USH2A: variants seen among roughly 807,000 people sequenced by gnomAD.
USH2A encodes the protein Usher syndrome 2A (autosomal recessive, mild).
A neutral mutation model predicts 538.9 loss-of-function variants in USH2A; 443 were observed. The ratio of observed to expected loss-of-function variants is 0.82; its 90% CI spans 0.76 to 0.89. The LOEUF is 0.89. Ranked by LOEUF, USH2A falls within the 40% of genes least tolerant of loss-of-function variation. The pLI, the probability that USH2A is intolerant of heterozygous loss-of-function variation, is 0.00. For missense variants in USH2A, 6,633 were observed against 6,324.8 expected (o/e 1.05, Z -1.65); for synonymous variants, 2,413 against 2,273.5 (o/e 1.06, Z -1.75).
At chr1:216,378,792 A>G (rs1446707269) in intron 3 of USH2A, among the ~76,000 whole-genome samples, 1 of 152,160 alleles carries the variant, frequency 6.6e-6, no homozygotes, top group East Asian at 1.9e-4. Flanking sequence ...TACTAATAGA[A>G]CAAAGCCCAT....
intron 9 of USH2A, among the ~76,000 whole-genome samples, chr1:216,313,204 C>T (rs950042531): frequency 2.6e-5 from 4 of 152,144 alleles, no homozygotes; most frequent in African/African-American, 9.7e-5. Flanking sequence ...CACTGCTGAT[C>T]TGACAGGAGG....
intron 21 of USH2A, among the ~76,000 whole-genome samples, chr1:216,148,948 C>G (rs2033771639): frequency 6.6e-6 from 1 of 152,116 alleles, no homozygotes; most frequent in Non-Finnish European, 1.5e-5. Context: ...TCAATCAAGC[C>G]CAAATTTCTT....
chr1:216,230,919 GAC>G (rs1274576218), intron 14 of USH2A, among the ~76,000 whole-genome samples: 2 of 147,196 alleles, frequency 1.4e-5, no homozygotes, highest in African/African-American at 5.1e-5. Context: ...CACACACACA[GAC>G]ACAGAATTGG....
intron 11 of USH2A, among the ~76,000 whole-genome samples, chr1:216,253,161 T>C (rs1468435592): frequency 6.6e-6 from 1 of 151,822 alleles, no homozygotes; most frequent in Non-Finnish European, 1.5e-5. Flanking sequence ...CTTTTTTTTT[T>C]TTTTGAGATG....
At chr1:215,723,261 C>A (rs1425587756) in intron 61 of USH2A, among the ~76,000 whole-genome samples, 1 of 152,176 alleles carries the variant, frequency 6.6e-6, no homozygotes, top group Non-Finnish European at 1.5e-5. Context: ...AAAACCCACA[C>A]TCTTTCCATT....
chr1:215,664,773 C>G (rs1334050084), intron 64 of USH2A, among the ~76,000 whole-genome samples: 1 of 152,096 alleles, frequency 6.6e-6, no homozygotes, highest in Non-Finnish European at 1.5e-5. Context: ...TGTTCTTCTA[C>G]CTGGTATATG....
chr1:215,921,661 A>C (rs2102488911), intron 38 of USH2A, among the ~76,000 whole-genome samples: 1 of 152,232 alleles, frequency 6.6e-6, no homozygotes, highest in East Asian at 1.9e-4. Context: ...CAGTAGAACA[A>C]TAGAGTATAG....
rs1665117889 is a variant in USH2A at position 215,888,351 on chromosome 1, G to T, written c.8223+75C>A. 4 of 1,600,052 alleles carry T rather than the reference G, an allele frequency of 2.5e-6. No individual in the cohort carries two copies. The Admixed American group carries it at 6.7e-5, about 27-fold the overall frequency. On this transcript the variant is annotated intron_variant, in intron 41 of 71. Coordinates refer to ENST00000307340, the MANE Select transcript of USH2A (RefSeq NM_206933.4). ...AAATGCGTTTGTTTAGTCAGTAGAT[G>T]GCTCTGTTCAACACAGAGTCAATCC...
At chr1:215,692,753 G>A (rs935604947) in intron 61 of USH2A, among the ~76,000 whole-genome samples, 21 of 152,026 alleles carry the variant, frequency 1.4e-4, no homozygotes, top group African/African-American at 5.1e-4. Context: ...ATTTTTGAAG[G>A]TTTTAACTAA....
intron 15 of USH2A, among the ~76,000 whole-genome samples, chr1:216,215,880 G>A (rs1315181150): frequency 1.3e-5 from 2 of 152,020 alleles, no homozygotes; most frequent in African/African-American, 4.8e-5. Context: ...CCACTACTAA[G>A]AGTTGTAGGC....
rs1360642172 is a variant in USH2A, at chr1:215,674,354, C to T, written c.13557G>A (p.Leu4519=). 1 of 1,613,754 alleles carries T rather than the reference C, an allele frequency of 6.2e-7. No homozygotes were observed. The highest frequency in any genetic ancestry group is 2.2e-5 in the East Asian group (1 of 44,862). The change falls in exon 63 of 72, where the codon TTG becomes TTA. Residue 4519 remains leucine, a synonymous_variant. Transcript: ENST00000307340. Reference sequence around the variant, plus strand: ...TGGTTCGATCTTTGACAAGAGGACTCAAAATACCCCCTTGGCTGTTGCTGG... The same window carrying T: ...TGGTTCGATCTTTGACAAGAGGACTTAAAATACCCCCTTGGCTGTTGCTGG... ...VTASNSQGGI[L]SPLVKDRTSP...
chr1:215,968,291 A>T (rs1667405222), intron 36 of USH2A, among the ~76,000 whole-genome samples: 1 of 152,070 alleles, frequency 6.6e-6, no homozygotes, highest in African/African-American at 2.4e-5. Context: ...TATTTGGTTG[A>T]GTAAGAACTG....
chr1:215,900,034 A>C (rs755062251), intron 40 of USH2A, 41 bp downstream of exon 40: 15 of 1,613,086 alleles, frequency 9.3e-6, no homozygotes, highest in Non-Finnish European at 1.3e-5. Context: ...TAAGCTCCCT[A>C]TGTAGAAGAC....
intron 3 of USH2A, among the ~76,000 whole-genome samples, chr1:216,412,620 T>C (rs1486825380): frequency 6.6e-6 from 1 of 151,920 alleles, no homozygotes; most frequent in East Asian, 1.9e-4. Flanking sequence ...ATCTGAAGCA[T>C]TGAAAATATT....
chr1:215,998,845 T>G, intron 34 of USH2A, 42 bp downstream of exon 34: 2 of 1,597,110 alleles, frequency 1.3e-6, no homozygotes, highest in Admixed American at 1.7e-5. Context: ...GGAGAAGAAG[T>G]GGAAGGAATG....
At position 215,634,674 on chromosome 1, in the gene USH2A, T is replaced by TG; in HGVS notation, c.15081_15082insC (p.Lys5028GlnfsTer150). ...TCTGTGCTTTTGCTCCGCGATCCCTTCTTTTTCCCAGGAGTTGTTAGGACC... is the reference window on the plus strand; with the variant it reads ...TCTGTGCTTTTGCTCCGCGATCCCTTGCTTTTTCCCAGGAGTTGTTAGGACC... On this transcript the variant is annotated frameshift_variant, in exon 70 of 72. Transcript: ENST00000307340. LOFTEE classifies it high-confidence loss of function. 3.1e-6 allele frequency: 5 copies of TG among 1,614,226 alleles called. No homozygotes were observed. The highest frequency in any genetic ancestry group is 4.2e-6 in the Non-Finnish European group (5 of 1,180,044).
intron 3 of USH2A, among the ~76,000 whole-genome samples, chr1:216,407,491 G>T (rs1268775131): frequency 1.3e-5 from 2 of 151,942 alleles, no homozygotes; most frequent in East Asian, 3.9e-4. Context: ...ATGCATCCAG[G>T]ACACTACAGC....
intron 21 of USH2A, among the ~76,000 whole-genome samples, chr1:216,127,800 A>G (rs745555116): frequency 5.0e-4 from 76 of 152,242 alleles, no homozygotes; most frequent in Middle Eastern, 3.4e-3. Flanking sequence ...TCTTTTATTA[A>G]TTTTGCTTTT....
chr1:216,163,024 A>G (rs2034091559), intron 21 of USH2A, among the ~76,000 whole-genome samples: 1 of 151,846 alleles, frequency 6.6e-6, no homozygotes, highest in African/African-American at 2.4e-5. Context: ...AGATATACTA[A>G]TGTCTCTGCT....
Sources: allele counts gnomAD v4.1 joint callset (sites outside exome capture counted in the v4.1 genomes callset), GRCh38; gene constraint gnomAD v4.1.1; transcripts MANE v1.5; gene names NCBI Gene and HGNC (gene_info 2026-07-23, HGNC 2026-07-21).